The following NAA16 variants were observed in gnomAD, a reference collection of about 807,000 sequenced individuals.
NAA16 encodes NARG1-like protein.
NAA16 carries 97 observed loss-of-function variants against 110.3 expected under a neutral mutation model. The ratio of observed to expected loss-of-function variants is 0.88; its 90% CI spans 0.75 to 1.04. The LOEUF is 1.04. Among genes scored for constraint, NAA16 ranks in the 50% least tolerant of loss-of-function variants. NAA16 has a pLI of 0.00. For missense variants in NAA16, 1,017 were observed against 1,005.1 expected (o/e 1.01, Z -0.16); for synonymous variants, 372 against 330.6 (o/e 1.13, Z -1.36).
intron 18 of NAA16, 107 bp downstream of exon 18, chr13:41,373,887 A>T: frequency 3.6e-6 from 5 of 1,397,252 alleles, no homozygotes; most frequent in Non-Finnish European, 4.6e-6. Context: ...GTGTGTAAGT[A>T]TGGGGAGAGA....
At chr13:41,329,361 T>C (rs1444605677) in intron 7 of NAA16, among the ~76,000 whole-genome samples, 3 of 151,968 alleles carry the variant, frequency 2.0e-5, no homozygotes, top group Non-Finnish European at 4.4e-5. Context: ...TTTTCAGAAC[T>C]CTAGTGTCAG....
rs2043395188 is a variant in NAA16, at chr13:41,374,755, G to A, written c.2313G>A (p.Met771Ile). ...LQHLLSGAKMMYFLDKSRQEK... is the reference protein window; with the variant it reads ...LQHLLSGAKMIYFLDKSRQEK... ...TTGGTATTTCAGGTGCTAAAATGAT[G>A]TATTTTCTGGACAAGTCAAGGCAGG... Residue 771 changes from methionine to isoleucine, a missense_variant, in exon 19 of 20, where the codon ATG becomes ATA. By Grantham distance (10) the Met-to-Ile change is conservative. Transcript: ENST00000379406. The A allele has an allele frequency of 1.2e-6, 2 of 1,609,584 alleles. No individual in the cohort carries two copies.
intron 10 of NAA16, among the ~76,000 whole-genome samples, chr13:41,356,413 GAA>G: frequency 6.9e-6 from 1 of 144,750 alleles, no homozygotes; most frequent in African/African-American, 2.6e-5. Flanking sequence ...GTAAACAGAA[GAA>G]GTCATCGCAG....
chr13:41,329,035 A>G (rs562757558), intron 7 of NAA16, among the ~76,000 whole-genome samples, 192 bp downstream of exon 7: 8 of 152,036 alleles, frequency 5.3e-5, no homozygotes, highest in Non-Finnish European at 1.2e-4. Flanking sequence ...GATTGCAGAT[A>G]TGTTAGGTTC....
intron 10 of NAA16, 148 bp from the exon 11 acceptor site, chr13:41,358,156 A>T (rs988282248): frequency 1.4e-6 from 1 of 690,506 alleles, no homozygotes; most frequent in Non-Finnish European, 2.4e-6. Context: ...ATGAAGTCAT[A>T]CCTCTTTCTT....
At chr13:41,338,511 A>G (rs948802547) in intron 9 of NAA16, among the ~76,000 whole-genome samples, 1 of 152,168 alleles carries the variant, frequency 6.6e-6, no homozygotes, top group Non-Finnish European at 1.5e-5. Context: ...AAGCAACAGG[A>G]ATGCTATATT....
At chr13:41,350,348 C>A (rs1593486634) in intron 9 of NAA16, among the ~76,000 whole-genome samples, 1 of 150,574 alleles carries the variant, frequency 6.6e-6, no homozygotes, top group East Asian at 2.0e-4. Flanking sequence ...GGCTGGAGTG[C>A]AGTGGTGTGA....
At chr13:41,311,778 C>T (rs570626913) in intron 1 of NAA16, among the ~76,000 whole-genome samples, 196 bp downstream of exon 1, 7 of 152,326 alleles carry the variant, frequency 4.6e-5, no homozygotes, top group African/African-American at 1.7e-4. Flanking sequence ...CTCCTCCGTG[C>T]GCTTCCTTTC....
Position 41,364,223 on chromosome 13 carries a change from C to T in NAA16, c.1539+2064C>T, listed in dbSNP as rs768376404. Among the ~76,000 whole-genome samples, 7 of 152,034 alleles carry T rather than the reference C, an allele frequency of 4.6e-5. No homozygotes were observed. In the South Asian group the frequency reaches 8.3e-4, roughly 18 times the overall value. On this transcript the variant is annotated intron_variant, in intron 13 of 19. Coordinates refer to ENST00000379406, the MANE Select transcript of NAA16 (RefSeq NM_024561.5). ...TTCTAAATAGAAGGTTAGTGAATTG[C>T]GAAATAAGTTCAAATAAGGGTTAGG...
chr13:41,347,125 A>C (rs886274709), intron 9 of NAA16, among the ~76,000 whole-genome samples: 1 of 151,550 alleles, frequency 6.6e-6, no homozygotes, highest in Admixed American at 6.6e-5. Context: ...CTGAGGCAGG[A>C]GAATCACTTG....
Position 41,375,490 on chromosome 13 carries a change from A to C in NAA16, c.2483A>C (p.His828Pro), listed in dbSNP as rs758287067. Residue 828 changes from histidine to proline, a missense_variant, in exon 20 of 20, where the codon CAT (histidine) becomes CCT (proline). Transcript: ENST00000379406. ...TATGAAGAATATAGGATGGCCTGTC[A>C]TAACCTGCTTCCTTTTACATCTGCC... ...SQYEEYRMAC[H>P]NLLPFTSAFL... The C allele has an allele frequency of 6.2e-6, 10 of 1,614,008 alleles. No individual in the cohort carries two copies. In the African/African-American group the frequency reaches 1.3e-4, roughly 22 times the overall value.
intron 6 of NAA16, among the ~76,000 whole-genome samples, chr13:41,326,398 T>A (rs2042094693): frequency 1.3e-5 from 2 of 152,194 alleles, no homozygotes; most frequent in Non-Finnish European, 2.9e-5. Flanking sequence ...AATGTCCAGC[T>A]AAAATAATAG....
Position 41,353,727 on chromosome 13 carries a change from A to G in NAA16, c.1015-1417A>G, listed in dbSNP as rs116553314. On this transcript the variant is annotated intron_variant, in intron 9 of 19. Coordinates refer to ENST00000379406, the MANE Select transcript of NAA16 (RefSeq NM_024561.5). ...GGCTACAGTGAGCGACTATCACACC[A>G]CTGCACTCCAGCCTAGGTGACAGAG... 5.8e-3 allele frequency among the ~76,000 whole-genome samples: 874 copies of G among 151,602 alleles called. 4 individuals carry two copies. Among genetic ancestry groups the G allele is most frequent in the African/African-American group, 0.021 (847 of 41,284 alleles).
intron 12 of NAA16, among the ~76,000 whole-genome samples, chr13:41,360,009 C>T (rs2043079879): frequency 6.6e-6 from 1 of 152,154 alleles, no homozygotes; most frequent in African/African-American, 2.4e-5. Context: ...CCAGCTACCA[C>T]ATAGTAAATA....
intron 13 of NAA16, among the ~76,000 whole-genome samples, chr13:41,364,716 A>C (rs2043177627): frequency 6.6e-6 from 1 of 152,214 alleles, no homozygotes; most frequent in African/African-American, 2.4e-5. Context: ...TGATAGATAC[A>C]AACTATAGGA....
chr13:41,373,436 T>G (rs1395691221), intron 17 of NAA16: 1 of 331,742 alleles, frequency 3.0e-6, no homozygotes, highest in Non-Finnish European at 4.3e-6. Flanking sequence ...TTTTGTATTT[T>G]TAGTAGAGAC....
intron 9 of NAA16, among the ~76,000 whole-genome samples, chr13:41,338,705 T>C (rs2042448494): frequency 6.6e-6 from 1 of 152,222 alleles, no homozygotes; most frequent in Non-Finnish European, 1.5e-5. Flanking sequence ...TTTTATTTTT[T>C]AATATTTATT....
At chr13:41,372,117 T>G in intron 15 of NAA16, 86 bp from the exon 16 acceptor site, 1 of 1,103,308 alleles carries the variant, frequency 9.1e-7, no homozygotes, top group Non-Finnish European at 1.2e-6. Flanking sequence ...CTAAATTACT[T>G]TAGACATATG....
chr13:41,354,886 A>ATTTTTTTTTTTTTTT (rs10671840), intron 9 of NAA16, among the ~76,000 whole-genome samples: 6 of 112,450 alleles, frequency 5.3e-5, no homozygotes, highest in Admixed American at 1.1e-4. Flanking sequence ...GGAGTGGTCC[A>ATTTTTTTTTTTTTTT]TTTTTTTTTT....
Sources: gnomAD v4.1 joint callset for allele counts (sites outside exome capture counted in the v4.1 genomes callset) on GRCh38, gnomAD v4.1.1 for gene constraint, MANE v1.5 for transcripts, NCBI Gene and HGNC (gene_info 2026-07-23, HGNC 2026-07-21) for gene names.